LOC128092252: variants seen among roughly 807,000 people sequenced by gnomAD.
the LOC128092252 span, among the ~76,000 whole-genome samples, chr15:50,685,931 T>G: frequency 1.3e-5 from 2 of 152,094 alleles, 1 homozygote; most frequent in South Asian, 4.1e-4. Flanking sequence ...CCTTAATTCT[T>G]GCTAAAGAAA....
At chr15:50,686,107 T>C in the LOC128092252 span, among the ~76,000 whole-genome samples, 1 of 152,348 alleles carries the variant, frequency 6.6e-6, no homozygotes, top group South Asian at 2.1e-4. Context: ...CATGTAAAAC[T>C]TGAGCAGAGC....
chr15:50,654,886 A>G, the LOC128092252 span, among the ~76,000 whole-genome samples: 1 of 150,018 alleles, frequency 6.7e-6, no homozygotes, highest in Non-Finnish European at 1.5e-5. Context: ...CTGTAGTCCC[A>G]GCTACTCGGG....
the LOC128092252 span, among the ~76,000 whole-genome samples, chr15:50,683,466 G>A: frequency 3.3e-5 from 5 of 151,952 alleles, no homozygotes; most frequent in African/African-American, 1.2e-4. Flanking sequence ...CAGGGTCAGT[G>A]GCTCACGCCT....
At chr15:50,673,450 T>C in the LOC128092252 span, among the ~76,000 whole-genome samples, 1 of 152,092 alleles carries the variant, frequency 6.6e-6, no homozygotes, top group East Asian at 1.9e-4. Context: ...GTCCCCAAAG[T>C]CCATTGTGTC....
the LOC128092252 span, among the ~76,000 whole-genome samples, chr15:50,666,420 G>T: frequency 0.078 from 11,791 of 151,572 alleles, 564 homozygotes; most frequent in South Asian, 0.12. Context: ...CAGCCTGGGT[G>T]ACAGAATGAG....
At chr15:50,650,871 A>G in the LOC128092252 span, among the ~76,000 whole-genome samples, 2 of 152,148 alleles carry the variant, frequency 1.3e-5, no homozygotes, top group Non-Finnish European at 2.9e-5. Context: ...CATAAAATTC[A>G]CTATTGTCAG....
chr15:50,653,229 T>A, the LOC128092252 span, among the ~76,000 whole-genome samples: 1 of 152,248 alleles, frequency 6.6e-6, no homozygotes, highest in South Asian at 2.1e-4. Flanking sequence ...AGTGGGAGCA[T>A]AGCTTGAGCC....
the LOC128092252 span, among the ~76,000 whole-genome samples, chr15:50,660,807 TA>T: frequency 6.6e-6 from 1 of 152,174 alleles, no homozygotes; most frequent in African/African-American, 2.4e-5. Context: ...TGGCATTACA[TA>T]ACCTAAGGGG....
At chr15:50,673,634 G>GTATATATA in the LOC128092252 span, among the ~76,000 whole-genome samples, 59 of 150,422 alleles carry the variant, frequency 3.9e-4, no homozygotes, top group African/African-American at 1.4e-3. Context: ...GTATTCCCTC[G>GTATATATA]TATATATATA....
the LOC128092252 span, among the ~76,000 whole-genome samples, chr15:50,662,283 G>T: frequency 9.2e-5 from 14 of 151,552 alleles, no homozygotes; most frequent in African/African-American, 2.7e-4. Context: ...AACCCTGGAG[G>T]GAGCTTGTAC....
chr15:50,680,663 G>C, the LOC128092252 span, among the ~76,000 whole-genome samples: 2 of 151,658 alleles, frequency 1.3e-5, no homozygotes, highest in African/African-American at 4.8e-5. Context: ...AATTCTATTA[G>C]GTTTCATTAT....
the LOC128092252 span, among the ~76,000 whole-genome samples, chr15:50,651,291 A>G: frequency 3.9e-5 from 6 of 152,212 alleles, no homozygotes; most frequent in Admixed American, 3.3e-4. Context: ...AAAGAACGAG[A>G]TGATGGAATT....
the LOC128092252 span, among the ~76,000 whole-genome samples, chr15:50,679,511 A>AATATATAT: frequency 2.5e-4 from 19 of 75,426 alleles, no homozygotes; most frequent in African/African-American, 1.2e-3. Context: ...GTATATATAT[A>AATATATAT]ATATATATAT....
At chr15:50,684,918 G>A in the LOC128092252 span, among the ~76,000 whole-genome samples, 1 of 152,146 alleles carries the variant, frequency 6.6e-6, no homozygotes, top group African/African-American at 2.4e-5. Flanking sequence ...GAAATATGCT[G>A]AATATTTAAT....
the LOC128092252 span, among the ~76,000 whole-genome samples, chr15:50,651,842 G>A: frequency 8.6e-5 from 13 of 151,612 alleles, no homozygotes; most frequent in South Asian, 2.1e-4. Context: ...AGCTGAGATC[G>A]CGCCACTGCA....
At chr15:50,686,312 G>A in the LOC128092252 span, among the ~76,000 whole-genome samples, 1 of 152,144 alleles carries the variant, frequency 6.6e-6, no homozygotes, top group Non-Finnish European at 1.5e-5. Context: ...GGGGATTCCC[G>A]CGAAGAGGTG....
At chr15:50,658,444 C>T in the LOC128092252 span, among the ~76,000 whole-genome samples, 1 of 151,900 alleles carries the variant, frequency 6.6e-6, no homozygotes, top group Non-Finnish European at 1.5e-5. Context: ...GTGGTGCAGG[C>T]CTATAGTCCT....
the LOC128092252 span, among the ~76,000 whole-genome samples, chr15:50,654,379 A>G: frequency 5.3e-5 from 8 of 151,270 alleles, no homozygotes; most frequent in Admixed American, 5.3e-4. Flanking sequence ...CCCGGGAGGC[A>G]GAGGGTGCAG....
the LOC128092252 span, among the ~76,000 whole-genome samples, chr15:50,666,476 A>G: frequency 6.6e-6 from 1 of 151,538 alleles, no homozygotes; most frequent in African/African-American, 2.4e-5. Flanking sequence ...GAGGAAGAGG[A>G]AGAAGAGGAA....
Sources: gnomAD v4.1 joint callset for allele counts (sites outside exome capture counted in the v4.1 genomes callset) on GRCh38, gnomAD v4.1.1 for gene constraint, MANE v1.5 for transcripts.